PALM2AKAP2: variants seen among roughly 807,000 people sequenced by gnomAD.
PALM2AKAP2 encodes the protein PALM2-AKAP2 fusion protein.
In PALM2AKAP2, 37 loss-of-function variants were observed where a neutral mutation model predicts 71.5. The ratio of observed to expected loss-of-function variants is 0.52; its 90% CI spans 0.40 to 0.68. PALM2AKAP2 has a LOEUF of 0.68. Among genes scored for constraint, PALM2AKAP2 ranks in the 30% least tolerant of loss-of-function variants. PALM2AKAP2 has a pLI of 0.00. For synonymous variants in PALM2AKAP2, 468 were observed against 478.8 expected, an observed-to-expected ratio of 0.98 and a Z score of 0.29; for missense variants, 1,224 against 1,191.8, an observed-to-expected ratio of 1.03 and a Z score of -0.40.
At chr9:109,953,635 A>G (rs961813555) in intron 6 of PALM2AKAP2, among the ~76,000 whole-genome samples, 1 of 152,076 alleles carries the variant, frequency 6.6e-6, no homozygotes, top group African/African-American at 2.4e-5. Context: ...CGGAAGATAG[A>G]GACCATCCTG....
intron 1 of PALM2AKAP2, among the ~76,000 whole-genome samples, chr9:109,857,702 T>C (rs138392835): frequency 1.1e-3 from 164 of 152,338 alleles, no homozygotes; most frequent in Non-Finnish European, 1.9e-3. Context: ...CAACCCCTGT[T>C]TGGCCACTTC....
At chr9:109,703,193 G>A (rs1314128924) in intron 1 of PALM2AKAP2, among the ~76,000 whole-genome samples, 1 of 152,098 alleles carries the variant, frequency 6.6e-6, no homozygotes, top group Non-Finnish European at 1.5e-5. Context: ...TATATAACTT[G>A]GAGTTGTCTT....
intron 6 of PALM2AKAP2, among the ~76,000 whole-genome samples, chr9:109,974,587 C>G (rs1411330463): frequency 6.6e-6 from 1 of 152,138 alleles, no homozygotes; most frequent in South Asian, 2.1e-4. Flanking sequence ...TCTCACTTCC[C>G]TGAATGGTTT....
intron 1 of PALM2AKAP2, among the ~76,000 whole-genome samples, chr9:109,666,298 C>G (rs1294822238): frequency 6.6e-6 from 1 of 152,198 alleles, no homozygotes; most frequent in Admixed American, 6.5e-5. Flanking sequence ...CAGATCGGAG[C>G]TGTTCCTATT....
chr9:109,822,173 G>T (rs183710798), intron 1 of PALM2AKAP2, among the ~76,000 whole-genome samples: 1 of 152,154 alleles, frequency 6.6e-6, no homozygotes, highest in Non-Finnish European at 1.5e-5. Flanking sequence ...CCACAGAATC[G>T]AAAACAGAAA....
intron 5 of PALM2AKAP2, among the ~76,000 whole-genome samples, chr9:109,926,412 G>C (rs1830957105): frequency 1.3e-5 from 2 of 152,162 alleles, no homozygotes; most frequent in Admixed American, 1.3e-4. Context: ...AAGGACTCTA[G>C]GAAAAGCGGA....
At chr9:110,102,650 TG>T (rs1158638164) in intron 1 of PALM2AKAP2, among the ~76,000 whole-genome samples, 2 of 151,496 alleles carry the variant, frequency 1.3e-5, no homozygotes, top group Non-Finnish European at 2.9e-5. Context: ...CCAGTACAAG[TG>T]AAACAGATGC....
chr9:109,856,003 C>G (rs1829154518), intron 1 of PALM2AKAP2, among the ~76,000 whole-genome samples: 1 of 152,060 alleles, frequency 6.6e-6, no homozygotes, highest in African/African-American at 2.4e-5. Context: ...ATTTAAAACC[C>G]CCTTGGGCCC....
rs935910607 is a variant in PALM2AKAP2 at position 110,003,568 on chromosome 9, C to G, written c.497-12386C>G. 6.6e-4 allele frequency among the ~76,000 whole-genome samples: 100 copies of G among 152,088 alleles called. 1 individual carries two copies. The highest frequency in any genetic ancestry group is 2.2e-3 in the African/African-American group (92 of 41,382). ...GGTCCACTTGGTGCAGAGCTGAGTT[C>G]AATTCCTGGATATCCTTGTTAACTT... On this transcript the variant is annotated intron_variant, in intron 6 of 9. Transcript: ENST00000302798.
chr9:110,155,284 A>G (rs1456322029), intron 2 of PALM2AKAP2, among the ~76,000 whole-genome samples: 1 of 152,238 alleles, frequency 6.6e-6, no homozygotes, highest in Non-Finnish European at 1.5e-5. Flanking sequence ...AGCCCCATTT[A>G]TCTTGTGTGT....
chr9:110,146,328 G>C (rs1836169766), intron 2 of PALM2AKAP2, among the ~76,000 whole-genome samples: 1 of 152,160 alleles, frequency 6.6e-6, no homozygotes, highest in Non-Finnish European at 1.5e-5. Flanking sequence ...GAATTCCCTG[G>C]TACAAGCAGG....
chr9:109,724,904 GA>G (rs1037340038), intron 1 of PALM2AKAP2, among the ~76,000 whole-genome samples: 1 of 151,912 alleles, frequency 6.6e-6, no homozygotes, highest in Admixed American at 6.6e-5. Context: ...CATTGATCCT[GA>G]AAAAAACAGT....
At chr9:109,921,689 G>A (rs1481904048) in intron 3 of PALM2AKAP2, among the ~76,000 whole-genome samples, 2 of 152,214 alleles carry the variant, frequency 1.3e-5, no homozygotes, top group African/African-American at 4.8e-5. Flanking sequence ...CCTAGAGGAG[G>A]AAAAGACATG....
intron 6 of PALM2AKAP2, among the ~76,000 whole-genome samples, chr9:109,950,918 A>G (rs1320201878): frequency 6.6e-6 from 1 of 152,230 alleles, no homozygotes; most frequent in East Asian, 1.9e-4. Context: ...CCAGTCACTT[A>G]GTTTTGCAAT....
chr9:110,024,754 A>G, intron 7 of PALM2AKAP2: 2 of 611,748 alleles, frequency 3.3e-6, no homozygotes, highest in Non-Finnish European at 5.7e-6. Flanking sequence ...ACTGCACTCT[A>G]TCCTGGGTGA....
intron 1 of PALM2AKAP2, among the ~76,000 whole-genome samples, chr9:109,792,010 C>A (rs1291768512): frequency 1.3e-5 from 2 of 152,156 alleles, no homozygotes; most frequent in Non-Finnish European, 2.9e-5. Context: ...CATGTCACAA[C>A]CTATTTTATT....
intron 1 of PALM2AKAP2, among the ~76,000 whole-genome samples, chr9:109,680,612 T>C (rs1000059769): frequency 1.3e-5 from 2 of 152,250 alleles, no homozygotes; most frequent in East Asian, 1.9e-4. Context: ...TTGAAAATCA[T>C]TAAAATATTT....
intron 1 of PALM2AKAP2, among the ~76,000 whole-genome samples, chr9:109,838,960 G>A (rs1828569688): frequency 6.6e-6 from 1 of 152,154 alleles, no homozygotes; most frequent in Non-Finnish European, 1.5e-5. Flanking sequence ...AGTGGTACAA[G>A]GAGGAGCTGG....
intron 1 of PALM2AKAP2, among the ~76,000 whole-genome samples, chr9:109,787,820 G>A (rs1827008861): frequency 6.6e-6 from 1 of 152,218 alleles, no homozygotes; most frequent in Non-Finnish European, 1.5e-5. Flanking sequence ...TTTTGATCAA[G>A]AGGCCGACAT....
Sources: gnomAD v4.1 joint callset for allele counts (sites outside exome capture counted in the v4.1 genomes callset) on GRCh38, gnomAD v4.1.1 for gene constraint, MANE v1.5 for transcripts, NCBI Gene and HGNC (gene_info 2026-07-23, HGNC 2026-07-21) for gene names.